Variants in KYNU observed in about 807,000 individuals in gnomAD.
KYNU encodes L-kynurenine hydrolase.
A neutral mutation model predicts 59.2 loss-of-function variants in KYNU; 54 were observed. That is an observed-to-expected ratio of 0.91 (90% CI 0.73 to 1.14). The LOEUF (loss-of-function observed/expected upper bound fraction) is 1.14, where lower values mean the gene tolerates loss of function less well. Among genes scored for constraint, KYNU ranks in the 50% most tolerant of loss-of-function variants. The pLI, the probability that KYNU is intolerant of heterozygous loss-of-function variation, is 0.00. For missense variants in KYNU, 567 were observed against 554.4 expected, an observed-to-expected ratio of 1.02 and a Z score of -0.23; for synonymous variants, 177 against 192.0, an observed-to-expected ratio of 0.92 and a Z score of 0.65.
intron 10 of KYNU, chr2:142,988,981 G>C: frequency 1.8e-6 from 2 of 1,134,306 alleles, no homozygotes; most frequent in Non-Finnish European, 2.6e-6. Flanking sequence ...GTGTCCCTTA[G>C]TGTGTTTTAC....
At chr2:142,911,381 A>G (rs1682474967) in intron 2 of KYNU, among the ~76,000 whole-genome samples, 1 of 152,138 alleles carries the variant, frequency 6.6e-6, no homozygotes, top group African/African-American at 2.4e-5. Context: ...TGGCATATAG[A>G]AATGCTCCTG....
chr2:142,963,727 C>T (rs1296831045), intron 8 of KYNU, among the ~76,000 whole-genome samples: 1 of 152,138 alleles, frequency 6.6e-6, no homozygotes, highest in African/African-American at 2.4e-5. Flanking sequence ...AACTTCTAAC[C>T]ACATAGTCAG....
At chr2:142,892,367 G>A (rs189311498) in intron 2 of KYNU, among the ~76,000 whole-genome samples, 599 of 152,328 alleles carry the variant, frequency 3.9e-3, no homozygotes, top group Non-Finnish European at 7.1e-3. Flanking sequence ...AGACCTTAGT[G>A]TGGAGTGACG....
At chr2:142,881,837 C>T (rs530477205) in intron 1 of KYNU, among the ~76,000 whole-genome samples, 2 of 152,010 alleles carry the variant, frequency 1.3e-5, no homozygotes, top group South Asian at 4.2e-4. Context: ...GACTGCTGGT[C>T]TCCTACCCCA....
intron 2 of KYNU, among the ~76,000 whole-genome samples, chr2:142,904,371 C>T (rs1189712282): frequency 6.6e-6 from 1 of 152,208 alleles, no homozygotes; most frequent in East Asian, 1.9e-4. Flanking sequence ...ACACTGGGAA[C>T]TGCCTGCTGG....
chr2:143,041,959 AAAGTGCTTTACAT>A lies in KYNU; in HGVS notation c.1273-83_1273-71del, dbSNP rs970168461. On this transcript the variant is annotated intron_variant, in intron 13 of 13. Transcript: ENST00000264170. ...ATTAATTTTTAGGGAAATCATTATGAAAGTGCTTTACATAAGTTTATCTGGAATGTAGATTTTC... is the reference window on the plus strand; with the variant it reads ...ATTAATTTTTAGGGAAATCATTATGAAAGTTTATCTGGAATGTAGATTTTC... The A allele has an allele frequency of 1.2e-4, 160 of 1,351,996 alleles. No homozygotes were observed. In the Middle Eastern group the frequency reaches 1.3e-3, roughly 11 times the overall value. The allele number at this position is 1,351,996 out of a possible 1,614,324, so 83.7% of individuals were successfully genotyped here. A position where few individuals can be genotyped will look rare whatever the true frequency, so the allele number is the denominator to read the frequency against.
intron 4 of KYNU, among the ~76,000 whole-genome samples, chr2:142,946,327 A>G (rs751906329): frequency 7.2e-5 from 11 of 151,998 alleles, no homozygotes; most frequent in Non-Finnish European, 1.3e-4. Flanking sequence ...CATCCAATCC[A>G]CATGCCTAGG....
At chr2:142,884,601 T>G (rs564424947) in intron 1 of KYNU, among the ~76,000 whole-genome samples, 1 of 152,008 alleles carries the variant, frequency 6.6e-6, no homozygotes, top group African/African-American at 2.4e-5. Context: ...AGCTAACATT[T>G]ATTGGGAACT....
chr2:142,884,271 T>A (rs1681411621), intron 1 of KYNU, among the ~76,000 whole-genome samples: 1 of 152,242 alleles, frequency 6.6e-6, no homozygotes, highest in Non-Finnish European at 1.5e-5. Context: ...ATCTCTTTGG[T>A]ATTCATATGA....
rs147691275 is a variant in KYNU at position 142,965,165 on chromosome 2, G to A, written c.729+4395G>A. Reference sequence around the variant, plus strand: ...TAGCCTGCATCTTCCCACTACATCCGGATGTCCTATATGTACCTTGGGATC... The same window carrying A: ...TAGCCTGCATCTTCCCACTACATCCAGATGTCCTATATGTACCTTGGGATC... On this transcript the variant is annotated intron_variant, in intron 8 of 13. Transcript: ENST00000264170. Among the ~76,000 whole-genome samples the A allele has an allele frequency of 7.4e-3, 1,128 of 152,194 alleles. 8 individuals are homozygous for A. Among genetic ancestry groups the A allele is most frequent in the Middle Eastern group, 0.02 (6 of 294 alleles).
At chr2:142,889,810 A>C (rs1360467366) in intron 2 of KYNU, among the ~76,000 whole-genome samples, 2 of 152,178 alleles carry the variant, frequency 1.3e-5, no homozygotes, top group African/African-American at 2.4e-5. Flanking sequence ...GCAGTTCTGA[A>C]CAATGAAAAA....
At position 143,048,584 on chromosome 2, in the gene KYNU, A is replaced by G. The variant is rs530665288; in HGVS notation, c.*6412A>G. ...TTATTACAATTCATTTTAATGAAAA[A>G]CTTTTAGTGGTAAATTGTATTAGTC... On this transcript the variant is annotated 3_prime_UTR_variant, in exon 14 of 14. Transcript: ENST00000264170. 1 of 152,196 alleles carries G rather than the reference A, an allele frequency of 6.6e-6. No homozygotes were observed. Among genetic ancestry groups the G allele is most frequent in the African/African-American group, 2.4e-5 (1 of 41,450 alleles). 9.4% of individuals were successfully genotyped at this position (152,196 alleles called of 1,614,324 possible).
intron 10 of KYNU, among the ~76,000 whole-genome samples, chr2:143,007,289 C>A (rs1485166134): frequency 6.7e-6 from 1 of 149,666 alleles, no homozygotes; most frequent in African/African-American, 2.5e-5. Context: ...GTGCGATCAA[C>A]TGGAAGAAAG....
intron 10 of KYNU, among the ~76,000 whole-genome samples, chr2:143,017,149 CA>C (rs1686273674): frequency 1.1e-5 from 1 of 88,222 alleles, no homozygotes; most frequent in African/African-American, 4.4e-5. Context: ...TCCAACCCAC[CA>C]TTAATGGGCA....
intron 8 of KYNU, among the ~76,000 whole-genome samples, chr2:142,965,998 C>T (rs925501644): frequency 6.6e-6 from 1 of 151,548 alleles, no homozygotes; most frequent in Admixed American, 6.6e-5. Context: ...CTTTTATCGT[C>T]TCATTTCACA....
intron 2 of KYNU, among the ~76,000 whole-genome samples, chr2:142,914,972 G>T (rs149367951): frequency 4.6e-5 from 7 of 152,258 alleles, no homozygotes; most frequent in Admixed American, 6.5e-5. Context: ...TGTTAGACAA[G>T]AAACATTTCT....
At position 143,054,610 on chromosome 2, in the gene KYNU, C is replaced by G. The variant is rs535452999; in HGVS notation, c.*12438C>G. On this transcript the variant is annotated 3_prime_UTR_variant, in exon 14 of 14. Coordinates refer to ENST00000264170, the MANE Select transcript of KYNU (RefSeq NM_003937.3). ...TGTGATGAATATGAAGTAGACTGCA[C>G]CACTCTGCAGTACAGTCAGGAAATA... The G allele has an allele frequency of 1.3e-3, 204 of 152,268 alleles. No homozygotes were observed. Among genetic ancestry groups the G allele is most frequent in the African/African-American group, 4.7e-3 (196 of 41,552 alleles). The allele number at this position is 152,268 out of a possible 1,614,324, so 9.4% of individuals were successfully genotyped here. A position where few individuals can be genotyped will look rare whatever the true frequency, so the allele number is the denominator to read the frequency against.
chr2:143,006,387 C>T (rs1480568121), intron 10 of KYNU, among the ~76,000 whole-genome samples: 3 of 151,916 alleles, frequency 2.0e-5, no homozygotes, highest in African/African-American at 7.3e-5. Context: ...ATATCCCACA[C>T]CTGGCTCGGA....
intron 2 of KYNU, among the ~76,000 whole-genome samples, chr2:142,902,832 G>A (rs1294550354): frequency 1.3e-5 from 2 of 152,246 alleles, no homozygotes; most frequent in East Asian, 3.8e-4. Context: ...CCAAATAGAT[G>A]TGGGCTATCT....
Sources: gnomAD v4.1 joint callset for allele counts (sites outside exome capture counted in the v4.1 genomes callset) on GRCh38, gnomAD v4.1.1 for gene constraint, MANE v1.5 for transcripts, NCBI Gene and HGNC (gene_info 2026-07-23, HGNC 2026-07-21) for gene names.